Variants in SSBP3 observed in about 807,000 individuals in gnomAD.
SSBP3 encodes single stranded DNA binding protein 3.
SSBP3 carries 5 observed loss-of-function variants against 69.6 expected under a neutral mutation model. The observed-to-expected ratio is 0.07, with a 90% CI of 0.04 to 0.15. SSBP3 has a LOEUF of 0.15. Among genes scored for constraint, SSBP3 ranks in the 10% least tolerant of loss-of-function variants. SSBP3 has a pLI of 1.00. For missense variants in SSBP3, 312 were observed against 534.0 expected (o/e 0.58, Z 4.10); for synonymous variants, 196 against 193.4 (o/e 1.01, Z -0.11).
chr1:54,243,791 C>T (rs955827912), intron 9 of SSBP3, among the ~76,000 whole-genome samples: 1 of 152,204 alleles, frequency 6.6e-6, no homozygotes, highest in African/African-American at 2.4e-5. Flanking sequence ...TACAGACACG[C>T]CAACCTGCCC....
chr1:54,275,471 G>A (rs1176334917), intron 5 of SSBP3, among the ~76,000 whole-genome samples: 1 of 152,244 alleles, frequency 6.6e-6, no homozygotes, highest in Non-Finnish European at 1.5e-5. Context: ...GCTGGCTCCT[G>A]CTTCCCGCTG....
At chr1:54,246,448 A>G (rs976346669) in intron 9 of SSBP3, among the ~76,000 whole-genome samples, 1 of 152,208 alleles carries the variant, frequency 6.6e-6, no homozygotes, top group Admixed American at 6.5e-5. Context: ...CCCATCCAAG[A>G]GAAAGGCCTG....
At chr1:54,339,509 G>A (rs575000099) in intron 4 of SSBP3, among the ~76,000 whole-genome samples, 3 of 152,262 alleles carry the variant, frequency 2.0e-5, no homozygotes, top group South Asian at 2.1e-4. Flanking sequence ...AGGCTCTTGC[G>A]GAGTTCATGA....
Position 54,399,364 on chromosome 1 carries a change from C to T in SSBP3, c.276+2497G>A, listed in dbSNP as rs552355535. The stretch of plus-strand genomic sequence containing the variant: ...TGTGTGCATTCTAACTACCACTTCC[C>T]AGCTGGGAATTAACCACTGTGTGCC... On this transcript the variant is annotated intron_variant, in intron 4 of 17. Transcript: ENST00000610401. Among the ~76,000 whole-genome samples the T allele has an allele frequency of 3.3e-5, 5 of 152,334 alleles. No homozygotes were observed. In the East Asian group the frequency reaches 9.6e-4, roughly 29 times the overall value.
intron 4 of SSBP3, among the ~76,000 whole-genome samples, chr1:54,321,205 C>A (rs1646206687): frequency 6.6e-6 from 1 of 152,222 alleles, no homozygotes; most frequent in South Asian, 2.1e-4. Flanking sequence ...GCCTTGGGGG[C>A]CCAGCCAGGG....
chr1:54,362,386 C>G (rs1401626085), intron 4 of SSBP3, among the ~76,000 whole-genome samples: 3 of 152,184 alleles, frequency 2.0e-5, no homozygotes, highest in Non-Finnish European at 4.4e-5. Context: ...CACAAACCAT[C>G]CTCTCTTCCC....
intron 4 of SSBP3, among the ~76,000 whole-genome samples, chr1:54,372,376 C>A (rs931279852): frequency 6.6e-6 from 1 of 151,598 alleles, no homozygotes; most frequent in Admixed American, 6.6e-5. Context: ...GCCTGGAATG[C>A]CCCTTCCCCT....
In SSBP3 at chr1:54,395,663, G is replaced by A. The variant is rs749582663; in HGVS notation, c.276+6198C>T. 1.1e-4 allele frequency among the ~76,000 whole-genome samples: 17 copies of A among 152,122 alleles called. 1 individual carries two copies. The highest frequency in any genetic ancestry group is 2.5e-4 in the Non-Finnish European group (17 of 68,034). ...TAACCCTCACAACCACTATGCAAAG[G>A]AATCAGCATTCCCCCATTCTACAGA... On this transcript the variant is annotated intron_variant, in intron 4 of 17. Coordinates refer to ENST00000610401, the Ensembl canonical transcript of SSBP3.
intron 4 of SSBP3, among the ~76,000 whole-genome samples, chr1:54,329,928 C>T (rs1052656396): frequency 7.2e-5 from 11 of 152,236 alleles, no homozygotes; most frequent in Middle Eastern, 3.4e-3. Flanking sequence ...GGTCAATACC[C>T]AGTAGCTGGA....
intron 14 of SSBP3, among the ~76,000 whole-genome samples, chr1:54,234,889 G>A (rs950019099): frequency 1.3e-5 from 2 of 151,980 alleles, no homozygotes; most frequent in African/African-American, 2.4e-5. Flanking sequence ...TCAGCCTCCC[G>A]AGTAGCTGAC....
intron 4 of SSBP3, among the ~76,000 whole-genome samples, chr1:54,282,732 G>A (rs1301072764): frequency 6.6e-6 from 1 of 152,184 alleles, no homozygotes; most frequent in Non-Finnish European, 1.5e-5. Flanking sequence ...CCTTCCCACT[G>A]ATTCTAGGCC....
chr1:54,283,808 C>G (rs1253452337), intron 4 of SSBP3, among the ~76,000 whole-genome samples: 1 of 152,186 alleles, frequency 6.6e-6, no homozygotes, highest in Non-Finnish European at 1.5e-5. Context: ...AGGTCACAGG[C>G]CCCTGCCTTG....
At chr1:54,301,404 T>C (rs1429349609) in intron 4 of SSBP3, among the ~76,000 whole-genome samples, 1 of 152,208 alleles carries the variant, frequency 6.6e-6, no homozygotes, top group South Asian at 2.1e-4. Flanking sequence ...CGGACTGTGC[T>C]GTACCCTGAG....
At chr1:54,413,365 G>A (rs1650040140) in exon 1 of SSBP3, 1 of 152,252 alleles carries the variant, frequency 6.6e-6, no homozygotes, top group Non-Finnish European at 1.5e-5. Flanking sequence ...CAGGTCTGCA[G>A]TCAACTGGGC....
intron 5 of SSBP3, among the ~76,000 whole-genome samples, chr1:54,265,744 A>G (rs1326027740): frequency 6.6e-6 from 1 of 152,236 alleles, no homozygotes; most frequent in African/African-American, 2.4e-5. Flanking sequence ...GGATCCTTAC[A>G]GCCACCAAGG....
At chr1:54,391,376 C>T (rs207460128) in intron 4 of SSBP3, among the ~76,000 whole-genome samples, 9 of 152,224 alleles carry the variant, frequency 5.9e-5, no homozygotes, top group Non-Finnish European at 1.0e-4. Flanking sequence ...ATCCCATGTA[C>T]AGCCCACAAC....
chr1:54,396,867 G>A (rs1557592067), intron 4 of SSBP3, among the ~76,000 whole-genome samples: 1 of 152,074 alleles, frequency 6.6e-6, no homozygotes, highest in Non-Finnish European at 1.5e-5. Flanking sequence ...GGGTCTTGCC[G>A]CCACTTGAAA....
intron 5 of SSBP3, among the ~76,000 whole-genome samples, chr1:54,280,735 G>A (rs1286440749): frequency 1.3e-5 from 2 of 152,218 alleles, no homozygotes; most frequent in East Asian, 1.9e-4. Context: ...GCGGCGCAGA[G>A]AGGGTGGCAG....
intron 4 of SSBP3, among the ~76,000 whole-genome samples, chr1:54,360,744 C>G (rs1434837093): frequency 2.0e-5 from 3 of 152,100 alleles, no homozygotes; most frequent in Non-Finnish European, 4.4e-5. Flanking sequence ...TCCTCACCTG[C>G]AAAATGGGGG....
Sources: gnomAD v4.1 joint callset for allele counts (sites outside exome capture counted in the v4.1 genomes callset) on GRCh38, gnomAD v4.1.1 for gene constraint, MANE v1.5 for transcripts, NCBI Gene and HGNC (gene_info 2026-07-23, HGNC 2026-07-21) for gene names.